TRPM3: variants seen among roughly 807,000 people sequenced by gnomAD.
TRPM3 encodes the protein transient receptor potential cation channel subfamily M member 3, also known as long transient receptor potential channel 3.
In TRPM3, 77 loss-of-function variants were observed where a neutral mutation model predicts 181.2. That is an observed-to-expected ratio of 0.42 (90% CI 0.35 to 0.51). The LOEUF is 0.51. TRPM3 is among the 20% of genes least tolerant of loss of function. The pLI is 0.01. For synonymous variants in TRPM3, 745 were observed against 796.4 expected, an observed-to-expected ratio of 0.94 and a Z score of 1.09; for missense variants, 1,759 against 2,196.7, an observed-to-expected ratio of 0.80 and a Z score of 3.98.
At chr9:70,809,740 A>G (rs1038987016) in intron 6 of TRPM3, among the ~76,000 whole-genome samples, 2 of 152,046 alleles carry the variant, frequency 1.3e-5, no homozygotes, top group Non-Finnish European at 2.9e-5. Flanking sequence ...TAACCTGTCC[A>G]GGGGAATCTT....
intron 1 of TRPM3, among the ~76,000 whole-genome samples, chr9:71,261,980 A>G (rs1421230308): frequency 6.6e-6 from 1 of 152,176 alleles, no homozygotes; most frequent in East Asian, 1.9e-4. Flanking sequence ...AGCCACAGGG[A>G]CCAGGGACCC....
At chr9:71,208,976 T>C (rs1198129132) in intron 1 of TRPM3, among the ~76,000 whole-genome samples, 1 of 152,188 alleles carries the variant, frequency 6.6e-6, no homozygotes, top group East Asian at 1.9e-4. Context: ...TATTTACTTG[T>C]GATGAACTTA....
At chr9:71,352,378 T>C (rs919706229) in intron 1 of TRPM3, among the ~76,000 whole-genome samples, 7 of 152,226 alleles carry the variant, frequency 4.6e-5, no homozygotes, top group African/African-American at 1.7e-4. Flanking sequence ...TTATTCATTA[T>C]ATTCAACTTA....
intron 1 of TRPM3, among the ~76,000 whole-genome samples, chr9:71,411,242 G>T (rs2093543192): frequency 6.6e-6 from 1 of 152,238 alleles, no homozygotes; most frequent in Non-Finnish European, 1.5e-5. Context: ...AGTGTTGGAA[G>T]TTCTGGCCAG....
rs77813051 is a variant in TRPM3, at chr9:70,535,017, C to A, written c.*936G>T. The A allele has an allele frequency of 0.018, 2,681 of 147,060 alleles. 74 individuals carry two copies. The highest frequency in any genetic ancestry group is 0.067 in the African/African-American group (2,572 of 38,618). 9.1% of individuals were successfully genotyped at this position (147,060 alleles called of 1,614,324 possible). A position where few individuals can be genotyped will look rare whatever the true frequency, so the allele number is the denominator to read the frequency against. On this transcript the variant is annotated 3_prime_UTR_variant, in exon 26 of 26. Transcript: ENST00000677713. ...GAACATCCCACATGGCAATTTCAGGCTAGTTCTGTCCACTGTTTTTTTTTT... is the reference window on the plus strand; with the variant it reads ...GAACATCCCACATGGCAATTTCAGGATAGTTCTGTCCACTGTTTTTTTTTT...
At chr9:70,577,483 G>A (rs1229111043) in intron 22 of TRPM3, among the ~76,000 whole-genome samples, 9 of 152,184 alleles carry the variant, frequency 5.9e-5, no homozygotes, top group African/African-American at 2.2e-4. Flanking sequence ...TGTATCATGT[G>A]CCTGGCCTGG....
chr9:70,808,114 T>C (rs929778471), intron 6 of TRPM3, among the ~76,000 whole-genome samples: 1 of 152,132 alleles, frequency 6.6e-6, no homozygotes, highest in African/African-American at 2.4e-5. Context: ...GAAAGGTAGT[T>C]AGCAATGAAA....
At chr9:71,305,606 T>C (rs956638135) in intron 1 of TRPM3, among the ~76,000 whole-genome samples, 1 of 152,162 alleles carries the variant, frequency 6.6e-6, no homozygotes, top group African/African-American at 2.4e-5. Context: ...TTTGTTTTGC[T>C]TATACAAAAT....
intron 8 of TRPM3, among the ~76,000 whole-genome samples, chr9:70,696,822 A>G (rs1346159294): frequency 1.3e-5 from 2 of 152,118 alleles, no homozygotes; most frequent in Admixed American, 6.6e-5. Context: ...TCAGAAATCT[A>G]ATCCCCCCAG....
chr9:71,073,649 A>T (rs1029729790), intron 1 of TRPM3, among the ~76,000 whole-genome samples: 1 of 152,218 alleles, frequency 6.6e-6, no homozygotes, highest in South Asian at 2.1e-4. Context: ...CAATAAAAAA[A>T]AAACCCAATT....
At position 70,794,568 on chromosome 9, in the gene TRPM3, G is replaced by A. The variant is rs200446998; in HGVS notation, c.974-10289C>T. ...AAGCCTTGGCTAGTCTCACTCTCTC[G>A]GAGGAGGCTTTTCCTTAGGCTTTGG... is the stretch of plus-strand genomic sequence containing the variant. On this transcript the variant is annotated intron_variant, in intron 6 of 25. Coordinates refer to ENST00000677713, the MANE Select transcript of TRPM3 (RefSeq NM_001366145.2). Among the ~76,000 whole-genome samples the A allele has an allele frequency of 7.9e-5, 12 of 152,230 alleles. No homozygotes were observed. In the East Asian group the frequency reaches 1.5e-3, roughly 20 times the overall value.
chr9:70,540,619 G>T (rs951088678), intron 25 of TRPM3, among the ~76,000 whole-genome samples: 4 of 152,386 alleles, frequency 2.6e-5, no homozygotes, highest in Non-Finnish European at 5.9e-5. Flanking sequence ...AGGATGGCTT[G>T]AGCCCTGGAG....
At chr9:71,169,456 T>A (rs1256107342) in intron 1 of TRPM3, among the ~76,000 whole-genome samples, 1 of 152,160 alleles carries the variant, frequency 6.6e-6, no homozygotes, top group Non-Finnish European at 1.5e-5. Context: ...AATGTGGCTA[T>A]GCAAACAGAT....
Position 70,567,625 on chromosome 9 carries a change from T to C in TRPM3, c.3224-14315A>G, listed in dbSNP as rs150446473. On this transcript the variant is annotated intron_variant, in intron 22 of 25. Coordinates refer to ENST00000677713, the MANE Select transcript of TRPM3 (RefSeq NM_001366145.2). ...TTTCCTTTGGCCAAGTTGGTCTGAA[T>C]AGACCTGTGGGAAAATCCTAAAACT... 7.2e-3 allele frequency among the ~76,000 whole-genome samples: 1,082 copies of C among 150,840 alleles called. 6 individuals are homozygous for C. Among genetic ancestry groups the C allele is most frequent in the Middle Eastern group, 0.014 (4 of 294 alleles).
At chr9:71,055,156 G>A (rs1379867147) in intron 1 of TRPM3, among the ~76,000 whole-genome samples, 2 of 152,026 alleles carry the variant, frequency 1.3e-5, no homozygotes, top group Admixed American at 6.6e-5. Flanking sequence ...CTGAATATTT[G>A]TGATTTCAAG....
intron 1 of TRPM3, among the ~76,000 whole-genome samples, chr9:71,108,516 AC>A (rs2070282398): frequency 6.6e-6 from 1 of 152,150 alleles, no homozygotes; most frequent in Admixed American, 6.5e-5. Context: ...ATATCACCAA[AC>A]CTTGGTTAAT....
chr9:70,839,386 C>T (rs1363942177), intron 5 of TRPM3, among the ~76,000 whole-genome samples: 2 of 152,088 alleles, frequency 1.3e-5, no homozygotes, highest in African/African-American at 2.4e-5. Context: ...CACTCAAGGA[C>T]AAGTAAGTTT....
chr9:71,032,040 AT>A (rs1385703942), intron 1 of TRPM3, among the ~76,000 whole-genome samples: 2,566 of 7,220 alleles, frequency 0.36, 192 homozygotes, highest in Middle Eastern at 0.5. Flanking sequence ...ATAAATATAT[AT>A]ATATATATTA....
chr9:70,695,219 G>A (rs1018280127), intron 8 of TRPM3, among the ~76,000 whole-genome samples: 1 of 152,156 alleles, frequency 6.6e-6, no homozygotes, highest in Non-Finnish European at 1.5e-5. Flanking sequence ...ACTGAATCTT[G>A]CCAGTTAGTA....
Sources: gnomAD v4.1 joint callset for allele counts (sites outside exome capture counted in the v4.1 genomes callset) on GRCh38, gnomAD v4.1.1 for gene constraint, MANE v1.5 for transcripts, NCBI Gene and HGNC (gene_info 2026-07-23, HGNC 2026-07-21) for gene names.